The following PPP4R1 variants were observed in gnomAD, a reference collection of about 807,000 sequenced individuals.
PPP4R1 encodes the protein serine/threonine-protein phosphatase 4 regulatory subunit 1.
In PPP4R1, 42 loss-of-function variants were observed where a neutral mutation model predicts 111.2. That is an observed-to-expected ratio of 0.38 (90% confidence interval 0.29 to 0.49). PPP4R1 has a LOEUF of 0.49. Ranked by LOEUF, PPP4R1 falls within the 20% of genes least tolerant of loss-of-function variation. PPP4R1 has a pLI of 0.97. For synonymous variants in PPP4R1, 409 were observed against 405.5 expected (o/e 1.01, Z -0.10); for missense variants, 1,012 against 1,161.6 (o/e 0.87, Z 1.87).
At chr18:9,607,808 G>A (rs1423128078) in intron 2 of PPP4R1, among the ~76,000 whole-genome samples, 1 of 145,624 alleles carries the variant, frequency 6.9e-6, no homozygotes, top group Non-Finnish European at 1.5e-5. Context: ...TTTTTGGATG[G>A]AGTTTCGCTC....
chr18:9,580,436 G>A (rs2067009418), intron 9 of PPP4R1, among the ~76,000 whole-genome samples: 1 of 150,402 alleles, frequency 6.6e-6, no homozygotes, highest in Non-Finnish European at 1.5e-5. Context: ...TGCAAGCTCC[G>A]CCTCCCAGGT....
chr18:9,548,184 T>A (rs77632417), intron 19 of PPP4R1, among the ~76,000 whole-genome samples: 5,088 of 151,360 alleles, frequency 0.034, 95 homozygotes, highest in African/African-American at 0.039. Context: ...TGATATTCAA[T>A]GACAGCTAAG....
At chr18:9,567,416 A>G (rs2066786574) in intron 11 of PPP4R1, among the ~76,000 whole-genome samples, 1 of 152,108 alleles carries the variant, frequency 6.6e-6, no homozygotes, top group Admixed American at 6.5e-5. Context: ...TATAGTGGTT[A>G]TATGTAGGCA....
At chr18:9,593,443 GCCT>G (rs1259604327) in intron 4 of PPP4R1, among the ~76,000 whole-genome samples, 2 of 151,934 alleles carry the variant, frequency 1.3e-5, no homozygotes, top group Admixed American at 6.6e-5. Context: ...ATAATTTACA[GCCT>G]CCTCCATCTC....
chr18:9,574,186 G>A (rs781262757), intron 10 of PPP4R1, among the ~76,000 whole-genome samples: 11 of 152,132 alleles, frequency 7.2e-5, no homozygotes, highest in African/African-American at 2.7e-4. Flanking sequence ...CCTAAGAGAC[G>A]TAGGTATCAA....
chr18:9,569,439 T>C (rs1193420459), intron 11 of PPP4R1, among the ~76,000 whole-genome samples: 1 of 152,116 alleles, frequency 6.6e-6, no homozygotes, highest in Non-Finnish European at 1.5e-5. Flanking sequence ...AGTCTTTCCA[T>C]AAAAGAATGA....
chr18:9,587,941 T>A (rs1439982147), intron 6 of PPP4R1, 148 bp downstream of exon 6: 27 of 955,686 alleles, frequency 2.8e-5, no homozygotes, highest in Non-Finnish European at 3.1e-5. Context: ...GGTCTCCAAC[T>A]CCTGACCTCA....
At position 9,588,747 on chromosome 18, in the gene PPP4R1, A is replaced by G; in HGVS notation, c.402T>C (p.Pro134=). The part of the protein sequence containing the change: ...IPYAFSKFLL[P]IVVRYLADQN... Reference sequence around the variant, plus strand: ...GATCTGCAAGGTATCTAACCACAATAGGTAGTAAGAATTTTGAAAAAGCAT... The same window carrying G: ...GATCTGCAAGGTATCTAACCACAATGGGTAGTAAGAATTTTGAAAAAGCAT... The change falls in exon 5 of 20, where the codon CCT becomes CCC. Residue 134 remains proline (P), a synonymous_variant. Transcript: ENST00000400556. 1 of 1,613,078 alleles carries G rather than the reference A, an allele frequency of 6.2e-7. No individual in the cohort carries two copies. Among genetic ancestry groups the G allele is most frequent in the African/African-American group, 1.3e-5 (1 of 75,018 alleles).
intron 2 of PPP4R1, among the ~76,000 whole-genome samples, chr18:9,607,783 CTTTTT>C (rs59033925): frequency 2.4e-5 from 3 of 125,372 alleles, no homozygotes; most frequent in Admixed American, 8.1e-5. Flanking sequence ...TTCTTTCTTT[CTTTTT>C]TTTTTTTTTT....
At chr18:9,585,746 A>G (rs1013687660) in intron 6 of PPP4R1, among the ~76,000 whole-genome samples, 1 of 152,244 alleles carries the variant, frequency 6.6e-6, no homozygotes, top group Non-Finnish European at 1.5e-5. Context: ...TTAGCAATGA[A>G]CAATGAACTG....
intron 2 of PPP4R1, among the ~76,000 whole-genome samples, chr18:9,611,309 G>A (rs2067575395): frequency 6.6e-6 from 1 of 152,066 alleles, no homozygotes; most frequent in Non-Finnish European, 1.5e-5. Flanking sequence ...ACCATAGACA[G>A]AGAAACTCAG....
intron 2 of PPP4R1, among the ~76,000 whole-genome samples, chr18:9,598,894 C>T (rs933665150): frequency 6.6e-6 from 1 of 151,946 alleles, no homozygotes; most frequent in Admixed American, 6.6e-5. Flanking sequence ...GGCATGGTGG[C>T]GTGCACCTGC....
At chr18:9,597,996 G>A (rs867351369) in intron 2 of PPP4R1, among the ~76,000 whole-genome samples, 1 of 151,944 alleles carries the variant, frequency 6.6e-6, no homozygotes, top group African/African-American at 2.4e-5. Context: ...AAGATGATAC[G>A]AAAGACCTAA....
At chr18:9,586,331 T>C (rs1325733938) in intron 6 of PPP4R1, among the ~76,000 whole-genome samples, 1 of 152,066 alleles carries the variant, frequency 6.6e-6, no homozygotes, top group East Asian at 1.9e-4. Context: ...TCGAGAATTA[T>C]AATACAGCAA....
chr18:9,557,054 A>G, intron 15 of PPP4R1, 167 bp downstream of exon 15: 1 of 575,532 alleles, frequency 1.7e-6, no homozygotes, highest in Non-Finnish European at 2.9e-6. Flanking sequence ...AAGTGAGAGT[A>G]TAATTATGGG....
rs966594647 is a variant in PPP4R1 at position 9,587,243 on chromosome 18, A to G, written c.585+846T>C. The G allele has an allele frequency of 7.9e-5, 12 of 152,170 alleles. 1 individual carries two copies. The highest frequency in any genetic ancestry group is 7.2e-4 in the Admixed American group (11 of 15,274). The allele number at this position is 152,170 out of a possible 1,614,324, so 9.4% of individuals were successfully genotyped here. A position where few individuals can be genotyped will look rare whatever the true frequency, so the allele number is the denominator to read the frequency against. The stretch of plus-strand genomic sequence containing the variant: ...TTTCAGTTTTCCACTTTGACATAAT[A>G]ATTTACAATTATGTATTTTTTCGTA... On this transcript the variant is annotated intron_variant, in intron 6 of 19. Transcript: ENST00000400556.
Position 9,549,310 on chromosome 18 carries a change from A to G in PPP4R1, c.2576T>C (p.Met859Thr), listed in dbSNP as rs773562426. The G allele has an allele frequency of 6.2e-7, 1 of 1,610,496 alleles. No homozygotes were observed. The highest frequency in any genetic ancestry group is 8.5e-7 in the Non-Finnish European group (1 of 1,176,834). Residue 859 changes from methionine (M) to threonine (T), a missense_variant, in exon 19 of 20, where the codon ATG becomes ACG. Met to Thr is a moderately conservative substitution (Grantham distance 81). Coordinates refer to ENST00000400556, the MANE Select transcript of PPP4R1 (RefSeq NM_001042388.3). ...QTVIEDDCLP[M>T]DQFAVHLMPH... ...CATGAGATGCACAGCAAACTGGTCC[A>G]TGGGAAGGCAGTCATCCTCAATGAC...
chr18:9,616,504 C>T (rs1022756634), upstream of PPP4R1, among the ~76,000 whole-genome samples: 1 of 152,118 alleles, frequency 6.6e-6, no homozygotes, highest in African/African-American at 2.4e-5. Flanking sequence ...GAACTCCTGG[C>T]CTCAAGCAAT....
Position 9,570,305 on chromosome 18 carries a change from G to A in PPP4R1, c.1425C>T (p.Asn475=). 3 of 1,612,516 alleles carry A rather than the reference G, an allele frequency of 1.9e-6. No homozygotes were observed. The highest frequency in any genetic ancestry group is 2.2e-5 in the South Asian group (2 of 90,790). The change falls in exon 11 of 20, where the codon AAC becomes AAT. Residue 475 remains asparagine (N), a synonymous_variant. Transcript: ENST00000400556. The stretch of plus-strand genomic sequence containing the variant: ...CCTCTGGGCTGGGTTTTCCCCCAGA[G>A]TTCTGTTCAAGCTCTATGTCTAGAT... The part of the protein sequence containing the change: ...EIDLDIELEQ[N]SGGKPSPEGP...
Sources: gnomAD v4.1 joint callset for allele counts (sites outside exome capture counted in the v4.1 genomes callset) on GRCh38, gnomAD v4.1.1 for gene constraint, MANE v1.5 for transcripts, NCBI Gene and HGNC (gene_info 2026-07-23, HGNC 2026-07-21) for gene names.